The following INPP4B variants were observed in gnomAD, a reference collection of about 807,000 sequenced individuals.
INPP4B encodes inositol polyphosphate 4-phosphatase type II.
In INPP4B, 55 loss-of-function variants were observed where a neutral mutation model predicts 122.5. The observed-to-expected ratio is 0.45, with a 90% confidence interval of 0.36 to 0.56. The LOEUF (loss-of-function observed/expected upper bound fraction) is 0.56. INPP4B is among the 20% of genes least tolerant of loss of function. The pLI is 0.00. For synonymous variants in INPP4B, 403 were observed against 388.7 expected (o/e 1.04, Z -0.43); for missense variants, 1,000 against 1,097.7 (o/e 0.91, Z 1.26).
chr4:142,194,134 C>A (rs1272399254), intron 14 of INPP4B, among the ~76,000 whole-genome samples: 1 of 152,038 alleles, frequency 6.6e-6, no homozygotes, highest in Non-Finnish European at 1.5e-5. Flanking sequence ...GTAGTTCAAT[C>A]CAGATGCATC....
intron 2 of INPP4B, among the ~76,000 whole-genome samples, chr4:142,668,714 C>CA (rs1315177749): frequency 6.6e-6 from 1 of 151,790 alleles, no homozygotes; most frequent in East Asian, 1.9e-4. Flanking sequence ...GTGAACTATC[C>CA]AAAAAAGAAA....
At chr4:142,277,682 T>TACAC (rs3076592) in intron 9 of INPP4B, among the ~76,000 whole-genome samples, 94,012 of 147,054 alleles carry the variant, frequency 0.64, 32,493 homozygotes, top group East Asian at 0.88. Flanking sequence ...CACACACACA[T>TACAC]ACACACACAC....
At chr4:142,795,176 C>G (rs542664226) in intron 1 of INPP4B, 1 of 151,728 alleles carries the variant, frequency 6.6e-6, no homozygotes, top group Non-Finnish European at 1.5e-5. Context: ...AAGAATTTGA[C>G]AAACATAATG....
rs1240649377 is a variant in INPP4B at position 142,217,774 on chromosome 4, T to C, written c.837-8748A>G. ...AGCCTCAATAAGGCCCACTGCCCTC[T>C]CTAATTTGGGTCGGCCTAATTCAAT... On this transcript the variant is annotated intron_variant, in intron 12 of 25. Transcript: ENST00000262992. 2.0e-5 allele frequency among the ~76,000 whole-genome samples: 3 copies of C among 152,266 alleles called. No individual in the cohort carries two copies. The South Asian group carries it at 6.2e-4, about 32-fold the overall frequency.
At chr4:142,665,964 A>T (rs1238304671) in intron 2 of INPP4B, among the ~76,000 whole-genome samples, 1 of 152,182 alleles carries the variant, frequency 6.6e-6, no homozygotes. Flanking sequence ...AGAGATTAGA[A>T]ACAATAACAA....
intron 2 of INPP4B, among the ~76,000 whole-genome samples, chr4:142,473,812 A>G (rs1035946040): frequency 2.0e-5 from 3 of 152,116 alleles, no homozygotes; most frequent in African/African-American, 7.2e-5. Flanking sequence ...ACCTGCTAGA[A>G]CTTCCAGCCC....
At chr4:142,647,688 C>G (rs1752090610) in intron 2 of INPP4B, among the ~76,000 whole-genome samples, 1 of 152,324 alleles carries the variant, frequency 6.6e-6, no homozygotes, top group African/African-American at 2.4e-5. Context: ...TGAAACGGAT[C>G]TGAATTCTAA....
chr4:142,714,256 G>T (rs956803435), intron 2 of INPP4B, among the ~76,000 whole-genome samples: 5 of 152,128 alleles, frequency 3.3e-5, no homozygotes, highest in Non-Finnish European at 7.4e-5. Context: ...GGTACTTCAG[G>T]CAATTTGACA....
rs916097843 is a variant in INPP4B at position 142,144,915 on chromosome 4, C to CT, written c.1720+924dup. On this transcript the variant is annotated intron_variant, in intron 18 of 25. Transcript: ENST00000262992. ...TAAATGTTTGTATTTTCTTATGACTCTTTTTTTTTAAAGTAAAAGAAAGAA... is the reference window on the plus strand; with the variant it reads ...TAAATGTTTGTATTTTCTTATGACTCTTTTTTTTTTAAAGTAAAAGAAAGAA... Among the ~76,000 whole-genome samples, 49 of 150,944 alleles carry CT rather than the reference C, an allele frequency of 3.2e-4. 1 individual carries two copies. Among genetic ancestry groups the CT allele is most frequent in the South Asian group, 2.3e-3 (11 of 4,772 alleles).
In INPP4B at chr4:142,415,913, G is replaced by A. The variant is rs1415881295; in HGVS notation, c.137-10589C>T. Among the ~76,000 whole-genome samples, 31 of 150,458 alleles carry A rather than the reference G, an allele frequency of 2.1e-4. No homozygotes were observed. The East Asian group carries it at 3.8e-3, about 18-fold the overall frequency. ...CAAACTATCACAAGGACAAAAAACCGAACACCGCATGTTCTCACTCATAGG... is the reference window on the plus strand; with the variant it reads ...CAAACTATCACAAGGACAAAAAACCAAACACCGCATGTTCTCACTCATAGG... On this transcript the variant is annotated intron_variant, in intron 5 of 25. Coordinates refer to ENST00000262992, the MANE Select transcript of INPP4B (RefSeq NM_001101669.3).
intron 18 of INPP4B, among the ~76,000 whole-genome samples, chr4:142,129,184 A>G (rs1003394910): frequency 2.0e-5 from 3 of 152,192 alleles, no homozygotes; most frequent in African/African-American, 7.2e-5. Flanking sequence ...AAGGGGGGCA[A>G]TAAAATTCCC....
intron 1 of INPP4B, among the ~76,000 whole-genome samples, chr4:142,829,775 C>T (rs1190403804): frequency 1.3e-5 from 2 of 152,134 alleles, no homozygotes; most frequent in Non-Finnish European, 2.9e-5. Flanking sequence ...AAATCAAGAA[C>T]ATTTACTAGC....
At chr4:142,132,610 G>GATGAACTGTT (rs777042154) in intron 18 of INPP4B, among the ~76,000 whole-genome samples, 17 of 152,198 alleles carry the variant, frequency 1.1e-4, no homozygotes, top group Non-Finnish European at 8.8e-5. Context: ...TATTTCTGAG[G>GATGAACTGTT]ATGAACTGTT....
chr4:142,110,258 A>G (rs1383639045), intron 22 of INPP4B, among the ~76,000 whole-genome samples: 3 of 152,120 alleles, frequency 2.0e-5, no homozygotes, highest in South Asian at 4.1e-4. Context: ...GAATGTGGTC[A>G]GTTGTCTGAC....
intron 2 of INPP4B, among the ~76,000 whole-genome samples, chr4:142,550,886 A>C (rs1727830053): frequency 1.3e-5 from 2 of 152,282 alleles, no homozygotes; most frequent in South Asian, 4.1e-4. Flanking sequence ...AGTCTCCTCA[A>C]GTATAAAATG....
chr4:142,037,263 A>C (rs940805582), intron 25 of INPP4B, among the ~76,000 whole-genome samples: 1 of 152,204 alleles, frequency 6.6e-6, no homozygotes, highest in Non-Finnish European at 1.5e-5. Flanking sequence ...CACTGCCTAC[A>C]TGAGGAGATA....
Position 142,816,314 on chromosome 4 carries a change from T to G in INPP4B, c.-254+29895A>C, listed in dbSNP as rs1473925502. 5.9e-5 allele frequency among the ~76,000 whole-genome samples: 9 copies of G among 152,306 alleles called. No individual in the cohort carries two copies. The East Asian group carries it at 1.5e-3, about 26-fold the overall frequency. Reference sequence around the variant, plus strand: ...TGCTAATTTCCATTTCGTAAGAAATTATTTCATCAATAACATTATGATGAT... The same window carrying G: ...TGCTAATTTCCATTTCGTAAGAAATGATTTCATCAATAACATTATGATGAT... On this transcript the variant is annotated intron_variant, in intron 1 of 25. Coordinates refer to ENST00000262992, the MANE Select transcript of INPP4B (RefSeq NM_001101669.3).
chr4:142,455,645 G>C (rs531635182), intron 3 of INPP4B, among the ~76,000 whole-genome samples: 1 of 151,954 alleles, frequency 6.6e-6, no homozygotes, highest in African/African-American at 2.4e-5. Flanking sequence ...TCTATATACT[G>C]TTTTTCTTTC....
intron 24 of INPP4B, among the ~76,000 whole-genome samples, chr4:142,085,402 T>C (rs2152542340): frequency 6.6e-6 from 1 of 152,372 alleles, no homozygotes; most frequent in African/African-American, 2.4e-5. Flanking sequence ...CATAAAGATC[T>C]TTAACATGTA....
Sources: allele counts gnomAD v4.1 joint callset (sites outside exome capture counted in the v4.1 genomes callset), GRCh38; gene constraint gnomAD v4.1.1; transcripts MANE v1.5; gene names NCBI Gene and HGNC (gene_info 2026-07-23, HGNC 2026-07-21).